The following SLC24A3 variants were observed in gnomAD, a reference collection of about 807,000 sequenced individuals.
SLC24A3 encodes sodium/potassium/calcium exchanger 3.
In SLC24A3, 28 loss-of-function variants were observed where a neutral mutation model predicts 75.8. The ratio of observed to expected loss-of-function variants is 0.37; its 90% confidence interval spans 0.27 to 0.51. The LOEUF (loss-of-function observed/expected upper bound fraction) is 0.51. Ranked by LOEUF, SLC24A3 falls within the 20% of genes least tolerant of loss-of-function variation. The probability of loss-of-function intolerance (pLI) is 0.94; values close to 1 mark genes in which losing one functional copy is unlikely to be tolerated. For missense variants in SLC24A3, 663 were observed against 847.8 expected (o/e 0.78, Z 2.71); for synonymous variants, 372 against 334.1 (o/e 1.11, Z -1.24).
At chr20:19,264,567 TA>T (rs535860689) in intron 1 of SLC24A3, among the ~76,000 whole-genome samples, 127 of 141,118 alleles carry the variant, frequency 9.0e-4, no homozygotes, top group African/African-American at 1.6e-3. Flanking sequence ...TCTACTAAAA[TA>T]AAAAAAAAAA....
chr20:19,305,307 T>G (rs899423884), intron 2 of SLC24A3, among the ~76,000 whole-genome samples: 1 of 152,116 alleles, frequency 6.6e-6, no homozygotes, highest in African/African-American at 2.4e-5. Flanking sequence ...TCTTGCAGTT[T>G]CTCACCTCTT....
intron 2 of SLC24A3, among the ~76,000 whole-genome samples, chr20:19,430,569 A>AGAGT (rs1006993116): frequency 9.9e-4 from 151 of 152,334 alleles, no homozygotes; most frequent in African/African-American, 3.5e-3. Flanking sequence ...GTCTTCAGGG[A>AGAGT]GAGTGCTAAT....
At chr20:19,222,821 C>T (rs931087425) in intron 1 of SLC24A3, among the ~76,000 whole-genome samples, 2 of 145,242 alleles carry the variant, frequency 1.4e-5, no homozygotes, top group African/African-American at 5.0e-5. Flanking sequence ...TCCTTCGTTC[C>T]TTCCTTCCTT....
At chr20:19,444,671 C>T (rs1176648983) in intron 2 of SLC24A3, among the ~76,000 whole-genome samples, 1 of 152,072 alleles carries the variant, frequency 6.6e-6, no homozygotes, top group Non-Finnish European at 1.5e-5. Context: ...GTGATGGTCC[C>T]ACTTTCATTT....
At chr20:19,373,379 C>G (rs1031744112) in intron 2 of SLC24A3, among the ~76,000 whole-genome samples, 1 of 152,190 alleles carries the variant, frequency 6.6e-6, no homozygotes, top group African/African-American at 2.4e-5. Flanking sequence ...GTGGGAAGTT[C>G]TTATGGTCAG....
In SLC24A3 at chr20:19,493,822, A is replaced by G. The variant is rs183892797; in HGVS notation, c.272-21666A>G. 2.0e-5 allele frequency among the ~76,000 whole-genome samples: 3 copies of G among 152,322 alleles called. No individual in the cohort carries two copies. In the East Asian group the frequency reaches 5.8e-4, roughly 29 times the overall value. On this transcript the variant is annotated intron_variant, in intron 2 of 16. Coordinates refer to ENST00000328041, the MANE Select transcript of SLC24A3 (RefSeq NM_020689.4). The stretch of plus-strand genomic sequence containing the variant: ...ATGGCTTAGCCCTCCACACTCCAGA[A>G]ACACTGCAATGAGGCAGACTTTCTA...
Position 19,556,809 on chromosome 20 carries a change from G to T in SLC24A3, c.349-23191G>T, listed in dbSNP as rs183359419. On this transcript the variant is annotated intron_variant, in intron 3 of 16. Transcript: ENST00000328041. ...AAACCCAAAGTAAGAGAGAAAAGAA[G>T]TCTAACTAGAAAACAACACCAGGCA... is the stretch of plus-strand genomic sequence containing the variant. Among the ~76,000 whole-genome samples the T allele has an allele frequency of 3.9e-5, 6 of 152,302 alleles. No individual in the cohort carries two copies. In the East Asian group the frequency reaches 1.2e-3, roughly 29 times the overall value.
rs536969454 is a variant in SLC24A3 at position 19,605,466 on chromosome 20, A to G, written c.612+19922A>G. On this transcript the variant is annotated intron_variant, in intron 6 of 16. Transcript: ENST00000328041. ...TGGTATTAGAACGTAATAGCAACAT[A>G]TGAGTTTCTGAAGCTGAAGTCAACT... Among the ~76,000 whole-genome samples, 3 of 152,336 alleles carry G rather than the reference A, an allele frequency of 2.0e-5. No individual in the cohort carries two copies. The South Asian group carries it at 6.2e-4, about 32-fold the overall frequency.
At chr20:19,420,374 T>G (rs1986897524) in intron 2 of SLC24A3, among the ~76,000 whole-genome samples, 1 of 99,016 alleles carries the variant, frequency 1.0e-5, no homozygotes, top group Non-Finnish European at 1.9e-5. Context: ...AAATGGTATT[T>G]CTAGTTCTAG....
At chr20:19,417,388 A>G (rs1029113033) in intron 2 of SLC24A3, among the ~76,000 whole-genome samples, 6 of 152,228 alleles carry the variant, frequency 3.9e-5, no homozygotes, top group Admixed American at 3.3e-4. Flanking sequence ...CTGCAAGTAC[A>G]GACAGAATGG....
At chr20:19,688,539 G>A (rs1374959757) in intron 12 of SLC24A3, among the ~76,000 whole-genome samples, 6 of 152,222 alleles carry the variant, frequency 3.9e-5, no homozygotes, top group African/African-American at 9.6e-5. Context: ...GGGTGCTTCC[G>A]GCCAGCAGAG....
intron 4 of SLC24A3, 87 bp downstream of exon 4, chr20:19,580,161 C>T: frequency 8.6e-7 from 1 of 1,168,728 alleles, no homozygotes; most frequent in Non-Finnish European, 1.2e-6. Context: ...CACCAAAGTC[C>T]TGGGGAGCCC....
chr20:19,704,551 G>A (rs1414837901), intron 15 of SLC24A3, among the ~76,000 whole-genome samples: 3 of 152,204 alleles, frequency 2.0e-5, no homozygotes, highest in Admixed American at 6.5e-5. Flanking sequence ...GTGAACAAAT[G>A]CCTGATTGCA....
At chr20:19,421,476 C>T (rs1425986104) in intron 2 of SLC24A3, among the ~76,000 whole-genome samples, 1 of 152,170 alleles carries the variant, frequency 6.6e-6, no homozygotes, top group Admixed American at 6.5e-5. Context: ...AGAGAAATGA[C>T]AGCCAAGTTT....
rs1427986251 is a variant in SLC24A3 at position 19,430,300 on chromosome 20, A to C, written c.272-85188A>C. On this transcript the variant is annotated intron_variant, in intron 2 of 16. Coordinates refer to ENST00000328041, the MANE Select transcript of SLC24A3 (RefSeq NM_020689.4). ...AGACAGACAAGGCTTAAAGCAGAGA[A>C]GATCAATAATCAAAACAGAGTTTTC... is the stretch of plus-strand genomic sequence containing the variant. Among the ~76,000 whole-genome samples, 3 of 152,342 alleles carry C rather than the reference A, an allele frequency of 2.0e-5. No individual in the cohort carries two copies. In the East Asian group the frequency reaches 5.8e-4, roughly 29 times the overall value.
chr20:19,258,755 C>T (rs1004383935), intron 1 of SLC24A3, among the ~76,000 whole-genome samples: 2 of 152,060 alleles, frequency 1.3e-5, no homozygotes, highest in African/African-American at 4.8e-5. Context: ...TGAACATTTT[C>T]CTGTGGCTTT....
chr20:19,553,763 T>C (rs970259543), intron 3 of SLC24A3, among the ~76,000 whole-genome samples: 12 of 152,142 alleles, frequency 7.9e-5, no homozygotes, highest in African/African-American at 2.7e-4. Context: ...CATTGGAGTG[T>C]ACAGGTGTGG....
chr20:19,552,982 T>C (rs1454287000), intron 3 of SLC24A3, among the ~76,000 whole-genome samples: 1 of 152,050 alleles, frequency 6.6e-6, no homozygotes. Context: ...GTCCCCAGAC[T>C]AGGGACCTCG....
chr20:19,360,071 G>A (rs953196211), intron 2 of SLC24A3, among the ~76,000 whole-genome samples: 2 of 152,200 alleles, frequency 1.3e-5, no homozygotes, highest in Non-Finnish European at 2.9e-5. Context: ...GGAAGCCATA[G>A]GCATGAATGG....
Sources: allele counts gnomAD v4.1 joint callset (sites outside exome capture counted in the v4.1 genomes callset), GRCh38; gene constraint gnomAD v4.1.1; transcripts MANE v1.5; gene names NCBI Gene and HGNC (gene_info 2026-07-23, HGNC 2026-07-21).